The following WWP1 variants were observed in gnomAD, a reference collection of about 807,000 sequenced individuals.
WWP1 encodes the protein WW domain containing E3 ubiquitin protein ligase 1.
In WWP1, 49 loss-of-function variants were observed where a neutral mutation model predicts 130.6. The ratio of observed to expected loss-of-function variants is 0.38; its 90% confidence interval spans 0.30 to 0.48. The LOEUF is 0.48. WWP1 is among the 20% of genes least tolerant of loss of function. The pLI, the probability that WWP1 is intolerant of heterozygous loss-of-function variation, is 0.99. For missense variants in WWP1, 809 were observed against 1,100.6 expected (o/e 0.74, Z 3.75); for synonymous variants, 332 against 367.8 (o/e 0.90, Z 1.11).
intron 16 of WWP1, 80 bp from the exon 17 acceptor site, chr8:86,438,505 A>T: frequency 9.5e-7 from 1 of 1,048,390 alleles, no homozygotes; most frequent in Non-Finnish European, 1.3e-6. Flanking sequence ...TTTTGAAAAT[A>T]GAGATTAAAT....
In WWP1 at chr8:86,347,323, A is replaced by G. The variant is rs542370728; in HGVS notation, c.-115+4393A>G. Among the ~76,000 whole-genome samples, 3 of 152,354 alleles carry G rather than the reference A, an allele frequency of 2.0e-5. No individual in the cohort carries two copies. The East Asian group carries it at 5.8e-4, about 29-fold the overall frequency. On this transcript the variant is annotated intron_variant, in intron 1 of 24. Transcript: ENST00000517970. ...TTGGATGAATATGCTGAGGCTAAAA[A>G]AAAAGTTTAAAAAGTTAAATTTCCA... is the stretch of plus-strand genomic sequence containing the variant.
chr8:86,396,326 C>T (rs1219593366), intron 5 of WWP1, among the ~76,000 whole-genome samples: 1 of 152,090 alleles, frequency 6.6e-6, no homozygotes, highest in Admixed American at 6.6e-5. Flanking sequence ...GTCTTGATCT[C>T]CAGATCTTGT....
At chr8:86,440,544 T>C (rs1810536222) in intron 17 of WWP1, 1 of 353,146 alleles carries the variant, frequency 2.8e-6, no homozygotes, top group African/African-American at 2.2e-5. Flanking sequence ...GTAAGAACCT[T>C]ATTTTTCCTC....
intron 24 of WWP1, among the ~76,000 whole-genome samples, chr8:86,462,411 T>C (rs1435110767): frequency 1.3e-5 from 2 of 152,086 alleles, no homozygotes; most frequent in African/African-American, 2.4e-5. Context: ...ATGAATATGA[T>C]AGGTGTGATT....
Position 86,434,647 on chromosome 8 carries a change from A to AT in WWP1, c.1602-798dup, listed in dbSNP as rs1257422560. Among the ~76,000 whole-genome samples, 7 of 152,052 alleles carry AT rather than the reference A, an allele frequency of 4.6e-5. No homozygotes were observed. The Middle Eastern group carries it at 0.014, about 296-fold the overall frequency. On this transcript the variant is annotated intron_variant, in intron 14 of 24. Coordinates refer to ENST00000517970, the MANE Select transcript of WWP1 (RefSeq NM_007013.4). The stretch of plus-strand genomic sequence containing the variant: ...CATTTGTACTTTACTTATTTATTAT[A>AT]TTTTTTTGTCTTATCTCCTTCACTA...
intron 1 of WWP1, among the ~76,000 whole-genome samples, chr8:86,363,768 C>T (rs2130231033): frequency 7.2e-6 from 1 of 138,154 alleles, no homozygotes; most frequent in South Asian, 2.3e-4. Context: ...TGTACTCAGC[C>T]TGGGTGACAG....
chr8:86,386,188 C>T (rs1024247061), intron 5 of WWP1, among the ~76,000 whole-genome samples: 11 of 152,054 alleles, frequency 7.2e-5, no homozygotes, highest in African/African-American at 2.7e-4. Context: ...CTAATCATGT[C>T]CTTGGTATTT....
rs1281114307 is a variant in WWP1 at position 86,342,816 on chromosome 8, C to T, written c.-229C>T. The T allele has an allele frequency of 1.2e-4, 45 of 369,154 alleles. No homozygotes were observed. The highest frequency in any genetic ancestry group is 1.1e-3 in the East Asian group (27 of 25,606). 22.9% of individuals were successfully genotyped at this position (369,154 alleles called of 1,614,324 possible). A position where few individuals can be genotyped will look rare whatever the true frequency, so the allele number is the denominator to read the frequency against. On this transcript the variant is annotated 5_prime_UTR_variant, in exon 1 of 25. Coordinates refer to ENST00000517970, the MANE Select transcript of WWP1 (RefSeq NM_007013.4). ...GCCGACGCCTGGGTGGCTGCTGCCG[C>T]CGCGCCTGCTGCGAGATGGCGATCT...
In WWP1 at chr8:86,424,721, G is replaced by A. The variant is rs578128576; in HGVS notation, c.1062-502G>A. 1.5e-3 allele frequency among the ~76,000 whole-genome samples: 231 copies of A among 151,438 alleles called. 1 individual carries two copies. In the Middle Eastern group the frequency reaches 0.027, roughly 18 times the overall value. On this transcript the variant is annotated intron_variant, in intron 9 of 24. Coordinates refer to ENST00000517970, the MANE Select transcript of WWP1 (RefSeq NM_007013.4). Reference sequence around the variant, plus strand: ...TCGGCAGGCTGAGGCGGGAGAATCAGGCAGGGAGGTTGCAGTGAGCCGAGA... The same window carrying A: ...TCGGCAGGCTGAGGCGGGAGAATCAAGCAGGGAGGTTGCAGTGAGCCGAGA...
chr8:86,405,636 A>G (rs1179669150), intron 8 of WWP1, among the ~76,000 whole-genome samples: 3 of 152,020 alleles, frequency 2.0e-5, no homozygotes, highest in East Asian at 3.9e-4. Flanking sequence ...GGCTCAAGCG[A>G]TCCTCCTGCC....
At chr8:86,346,702 GAC>G (rs1822604731) in intron 1 of WWP1, among the ~76,000 whole-genome samples, 1 of 152,102 alleles carries the variant, frequency 6.6e-6, no homozygotes, top group African/African-American at 2.4e-5. Context: ...TTATTAGAAA[GAC>G]TGTTGTTTTT....
chr8:86,454,433 C>T (rs189440675), intron 21 of WWP1, among the ~76,000 whole-genome samples: 15 of 152,186 alleles, frequency 9.9e-5, no homozygotes, highest in Non-Finnish European at 1.9e-4. Context: ...CTGACATAGA[C>T]TGTCACTAAT....
intron 1 of WWP1, among the ~76,000 whole-genome samples, chr8:86,348,593 A>G (rs1822734043): frequency 6.6e-6 from 1 of 152,322 alleles, no homozygotes; most frequent in East Asian, 1.9e-4. Flanking sequence ...ACATATTTCT[A>G]GGTGCTGGGA....
intron 1 of WWP1, among the ~76,000 whole-genome samples, chr8:86,351,128 A>G (rs1460017308): frequency 1.3e-5 from 2 of 152,138 alleles, no homozygotes; most frequent in East Asian, 3.9e-4. Flanking sequence ...TCCTTAATGG[A>G]TTTTTGTAAG....
At position 86,421,739 on chromosome 8, in the gene WWP1, G is replaced by A. The variant is rs138652832; in HGVS notation, c.1062-3484G>A. On this transcript the variant is annotated intron_variant, in intron 9 of 24. Transcript: ENST00000517970. ...CTTGGGAGGCTGAGACAGGAGAATG[G>A]TGTGAACCCGGGAGGCGGAGCTTAC... Among the ~76,000 whole-genome samples, 312 of 152,190 alleles carry A rather than the reference G, an allele frequency of 2.1e-3. 1 individual carries two copies. Among genetic ancestry groups the A allele is most frequent in the African/African-American group, 7.1e-3 (295 of 41,512 alleles).
intron 5 of WWP1, among the ~76,000 whole-genome samples, chr8:86,385,565 G>A (rs1273491125): frequency 6.6e-6 from 1 of 152,206 alleles, no homozygotes. Flanking sequence ...TTACAATATG[G>A]AGCAGGTGAC....
At position 86,452,571 on chromosome 8, in the gene WWP1, A is replaced by G. The variant is rs764532911; in HGVS notation, c.2286A>G (p.Glu762=). The change falls in exon 21 of 25, where the codon GAA becomes GAG. Residue 762 remains glutamate, a synonymous_variant. Transcript: ENST00000517970. ...TCTTTATTTTCAGTTTAATGACAGA[A>G]TGGCGTTTTTCTCGAGGAGTACAAG... ...NKDEYIGLMT[E]WRFSRGVQEQ... is the part of the protein sequence containing the mutation. The G allele has an allele frequency of 6.2e-7, 1 of 1,604,602 alleles. No individual in the cohort carries two copies. Among genetic ancestry groups the G allele is most frequent in the Non-Finnish European group, 8.5e-7 (1 of 1,177,002 alleles).
chr8:86,411,998 A>T, intron 9 of WWP1, 124 bp downstream of exon 9: 1 of 922,002 alleles, frequency 1.1e-6, no homozygotes. Flanking sequence ...TGGGATCTGA[A>T]TCATACTATT....
intron 10 of WWP1, among the ~76,000 whole-genome samples, chr8:86,427,291 A>C (rs1809681771): frequency 6.6e-6 from 1 of 152,224 alleles, no homozygotes; most frequent in African/African-American, 2.4e-5. Context: ...AAGGGGCTTA[A>C]AACCTAGATG....
Sources: gnomAD v4.1 joint callset for allele counts (sites outside exome capture counted in the v4.1 genomes callset) on GRCh38, gnomAD v4.1.1 for gene constraint, MANE v1.5 for transcripts, NCBI Gene and HGNC (gene_info 2026-07-23, HGNC 2026-07-21) for gene names.